The following SORCS1 variants were observed in gnomAD, a reference collection of about 807,000 sequenced individuals.
SORCS1 encodes VPS10 domain-containing receptor SorCS1.
SORCS1 carries 60 observed loss-of-function variants against 146.1 expected under a neutral mutation model. The ratio of observed to expected loss-of-function variants is 0.41; its 90% CI spans 0.33 to 0.51. SORCS1 has a LOEUF of 0.51. Among genes scored for constraint, SORCS1 ranks in the 20% least tolerant of loss-of-function variants. SORCS1 has a pLI of 0.21. For missense variants in SORCS1, 1,352 were observed against 1,487.6 expected, an observed-to-expected ratio of 0.91 and a Z score of 1.50; for synonymous variants, 637 against 584.0, an observed-to-expected ratio of 1.09 and a Z score of -1.31.
intron 1 of SORCS1, among the ~76,000 whole-genome samples, chr10:106,976,333 G>GTTTGTTTGTT: frequency 8.8e-6 from 1 of 113,814 alleles, no homozygotes; most frequent in East Asian, 2.5e-4. Context: ...AGGTTTTTTT[G>GTTTGTTTGTT]TTTTTTTTTT....
chr10:107,037,454 A>C (rs534689242), intron 1 of SORCS1, among the ~76,000 whole-genome samples: 1 of 152,312 alleles, frequency 6.6e-6, no homozygotes, highest in Admixed American at 6.5e-5. Flanking sequence ...TAAGAATCAA[A>C]CAACCATAAT....
chr10:107,111,922 T>A (rs1965726284), intron 1 of SORCS1, among the ~76,000 whole-genome samples: 1 of 152,150 alleles, frequency 6.6e-6, no homozygotes. Context: ...TAAGGTAATA[T>A]ATTCAAAATG....
chr10:106,890,301 T>G (rs1743772990), intron 2 of SORCS1, among the ~76,000 whole-genome samples: 2 of 152,146 alleles, frequency 1.3e-5, no homozygotes, highest in South Asian at 2.1e-4. Flanking sequence ...TTGAACCTTT[T>G]TTTCTATCTC....
rs139047481 is a variant in SORCS1 at position 106,933,327 on chromosome 10, A to G, written c.626+23186T>C. ...GCTCAGTCCTAGAGATTCTGATTCA[A>G]TTGGTCTTGGGTGGGGCCACACATA... On this transcript the variant is annotated intron_variant, in intron 2 of 25. Coordinates refer to ENST00000263054, the MANE Select transcript of SORCS1 (RefSeq NM_052918.5). Among the ~76,000 whole-genome samples, 14 of 152,296 alleles carry G rather than the reference A, an allele frequency of 9.2e-5. No homozygotes were observed. The East Asian group carries it at 1.5e-3, about 17-fold the overall frequency.
At chr10:106,795,474 C>T (rs915923287) in intron 3 of SORCS1, among the ~76,000 whole-genome samples, 1 of 152,078 alleles carries the variant, frequency 6.6e-6, no homozygotes, top group African/African-American at 2.4e-5. Context: ...TCAGCTTTTT[C>T]AAGTTTATCT....
chr10:107,169,072 T>C (rs1274799741), upstream of SORCS1, among the ~76,000 whole-genome samples: 1 of 152,208 alleles, frequency 6.6e-6, no homozygotes, highest in African/African-American at 2.4e-5. Flanking sequence ...CACATAATCT[T>C]ACAGCATAAG....
intron 1 of SORCS1, among the ~76,000 whole-genome samples, chr10:107,162,621 C>A (rs548201964): frequency 1.8e-4 from 27 of 152,282 alleles, no homozygotes; most frequent in African/African-American, 6.3e-4. Flanking sequence ...TACATCAATG[C>A]TAAATATTAT....
intron 9 of SORCS1, among the ~76,000 whole-genome samples, chr10:106,697,745 T>C (rs542046093): frequency 7.1e-4 from 108 of 152,312 alleles, no homozygotes; most frequent in Middle Eastern, 3.4e-3. Flanking sequence ...CTCCATATTT[T>C]AAGCAACGAA....
chr10:106,924,203 G>A lies in SORCS1; in HGVS notation c.626+32310C>T, dbSNP rs150162261. Among the ~76,000 whole-genome samples, 1,341 of 146,578 alleles carry A rather than the reference G, an allele frequency of 9.1e-3. 15 individuals are homozygous for A. The highest frequency in any genetic ancestry group is 0.031 in the African/African-American group (1,258 of 39,938). On this transcript the variant is annotated intron_variant, in intron 2 of 25. Coordinates refer to ENST00000263054, the MANE Select transcript of SORCS1 (RefSeq NM_052918.5). ...CGGGAGGTGGAGGTTGCAGTGAGCCGAAATCGTGCCACTGTATTCCAGCCT... is the reference window on the plus strand; with the variant it reads ...CGGGAGGTGGAGGTTGCAGTGAGCCAAAATCGTGCCACTGTATTCCAGCCT...
At position 106,996,015 on chromosome 10, in the gene SORCS1, AC is replaced by A. The variant is rs556892213; in HGVS notation, c.559-39436del. On this transcript the variant is annotated intron_variant, in intron 1 of 25. Transcript: ENST00000263054. ...AGGCCGAAGCGGGTAGATCAGGACC[AC>A]CCTGTGATCATGTTCAAGTTCAAGA... 2.7e-3 allele frequency among the ~76,000 whole-genome samples: 413 copies of A among 152,000 alleles called. 1 individual carries two copies. Among genetic ancestry groups the A allele is most frequent in the Middle Eastern group, 0.01 (3 of 294 alleles).
rs556345931 is a variant in SORCS1, at chr10:106,582,218, C to T, written c.3266-2744G>A. On this transcript the variant is annotated intron_variant, in intron 24 of 25. Coordinates refer to ENST00000263054, the MANE Select transcript of SORCS1 (RefSeq NM_052918.5). ...CTCTCCCCATCCCCAGGTTGTCTTT[C>T]GATTCTAAATCATTTACACTTAAAT... is the stretch of plus-strand genomic sequence containing the variant. Among the ~76,000 whole-genome samples the T allele has an allele frequency of 1.0e-3, 153 of 152,218 alleles. 2 individuals carry two copies. Among genetic ancestry groups the T allele is most frequent in the African/African-American group, 3.3e-3 (138 of 41,538 alleles).
intron 6 of SORCS1, among the ~76,000 whole-genome samples, chr10:106,709,986 GAT>G (rs1177962540): frequency 1.3e-5 from 2 of 152,006 alleles, no homozygotes; most frequent in Non-Finnish European, 2.9e-5. Flanking sequence ...TAATACTTGG[GAT>G]TTCATGGTCA....
At chr10:106,712,034 G>A (rs1855030375) in intron 6 of SORCS1, among the ~76,000 whole-genome samples, 1 of 152,160 alleles carries the variant, frequency 6.6e-6, no homozygotes, top group East Asian at 1.9e-4. Flanking sequence ...CCTGAGTCTT[G>A]CTGTTACTGC....
rs758991435 is a variant in SORCS1, at chr10:107,164,296, C to A, written c.231G>T (p.Leu77=). 3 of 1,588,432 alleles carry A rather than the reference C, an allele frequency of 1.9e-6. No homozygotes were observed. Among genetic ancestry groups the A allele is most frequent in the African/African-American group, 2.7e-5 (2 of 74,594 alleles). ...CTCGGTCCCCGGGGGCCACTGAGAA[C>A]AGGGGACGCACTACGAGGGGCAGGG... ...ATPLPLVVRP[L]FSVAPGDRAL... is the part of the protein sequence containing the mutation. The change falls in exon 1 of 26, where the codon CTG becomes CTT. Residue 77 remains leucine (L), a synonymous_variant. Transcript: ENST00000263054. This position sits in a 1 kb window ranked among gnomAD's most constrained non-coding sequence, Gnocchi z 6.8.
At chr10:107,013,802 G>C (rs1003895404) in intron 1 of SORCS1, among the ~76,000 whole-genome samples, 1 of 152,162 alleles carries the variant, frequency 6.6e-6, no homozygotes, top group Non-Finnish European at 1.5e-5. Flanking sequence ...GAACCAGGTT[G>C]TTGAAGATTT....
Position 107,009,502 on chromosome 10 carries a change from T to C in SORCS1, c.559-52922A>G, listed in dbSNP as rs1035935608. Reference sequence around the variant, plus strand: ...ACTACTTTTCTGTTTCTCCTTAAAATAGAATATAGTTTTTAGTAGCAAAAT... The same window carrying C: ...ACTACTTTTCTGTTTCTCCTTAAAACAGAATATAGTTTTTAGTAGCAAAAT... On this transcript the variant is annotated intron_variant, in intron 1 of 25. Coordinates refer to ENST00000263054, the MANE Select transcript of SORCS1 (RefSeq NM_052918.5). Among the ~76,000 whole-genome samples the C allele has an allele frequency of 7.9e-5, 12 of 152,310 alleles. No homozygotes were observed. The East Asian group carries it at 1.5e-3, about 20-fold the overall frequency.
chr10:106,692,126 C>G (rs1012483730), intron 9 of SORCS1, among the ~76,000 whole-genome samples: 1 of 152,206 alleles, frequency 6.6e-6, no homozygotes. Flanking sequence ...ACTGCAGCCA[C>G]GACCTCCTGG....
chr10:106,974,767 A>G (rs1047154625), intron 1 of SORCS1, among the ~76,000 whole-genome samples: 4 of 152,196 alleles, frequency 2.6e-5, no homozygotes, highest in African/African-American at 9.7e-5. Context: ...TCTTAAAATC[A>G]AGTCAAAGGT....
At chr10:106,906,311 G>T (rs565098673) in intron 2 of SORCS1, among the ~76,000 whole-genome samples, 1 of 152,098 alleles carries the variant, frequency 6.6e-6, no homozygotes, top group Non-Finnish European at 1.5e-5. Context: ...GACAGGATTT[G>T]CCATGTTGGC....
Sources: gnomAD v4.1 joint callset for allele counts (sites outside exome capture counted in the v4.1 genomes callset) on GRCh38, gnomAD v4.1.1 for gene constraint, Gnocchi (gnomAD v3.1) non-coding constraint, MANE v1.5 for transcripts, NCBI Gene and HGNC (gene_info 2026-07-23, HGNC 2026-07-21) for gene names.